RAB33B: variants seen among roughly 807,000 people sequenced by gnomAD.
RAB33B encodes the protein RAB33B, member RAS oncogene family.
A neutral mutation model predicts 15.0 loss-of-function variants in RAB33B; 6 were observed. That is an observed-to-expected ratio of 0.40 (90% CI 0.22 to 0.79). The LOEUF is 0.79. RAB33B is among the 30% of genes least tolerant of loss of function. The pLI is 0.37. For missense variants in RAB33B, 257 were observed against 296.4 expected (o/e 0.87, Z 0.98); for synonymous variants, 117 against 108.3 (o/e 1.08, Z -0.50).
upstream of RAB33B, chr4:139,453,558 C>T: frequency 6.6e-6 from 1 of 152,542 alleles, no homozygotes; most frequent in Non-Finnish European, 1.5e-5. Flanking sequence ...GAGGCGGCGG[C>T]GGTGAGCGCA....
chr4:139,472,022 G>T (rs1372194501), intron 1 of RAB33B, among the ~76,000 whole-genome samples: 1 of 151,998 alleles, frequency 6.6e-6, no homozygotes, highest in African/African-American at 2.4e-5. Context: ...TAGATATATG[G>T]GTTCACTTCT....
At chr4:139,443,925 A>G in the RAB33B span, among the ~76,000 whole-genome samples, 1 of 152,156 alleles carries the variant, frequency 6.6e-6, no homozygotes, top group Non-Finnish European at 1.5e-5. Context: ...TCTCCTCAGG[A>G]GCCACCCCCA....
At chr4:139,461,099 A>G (rs1178477071) in intron 1 of RAB33B, among the ~76,000 whole-genome samples, 11 of 152,198 alleles carry the variant, frequency 7.2e-5, no homozygotes, top group Non-Finnish European at 5.9e-5. Context: ...ATTTTTTCAT[A>G]TAACTAAAAA....
At chr4:139,457,833 G>A (rs1175121778) in intron 1 of RAB33B, among the ~76,000 whole-genome samples, 1 of 152,094 alleles carries the variant, frequency 6.6e-6, no homozygotes, top group African/African-American at 2.4e-5. Context: ...ATTCACCTAG[G>A]TTGTACTACT....
At chr4:139,455,602 T>C (rs1750054182) in intron 1 of RAB33B, among the ~76,000 whole-genome samples, 1 of 152,214 alleles carries the variant, frequency 6.6e-6, no homozygotes, top group African/African-American at 2.4e-5. Context: ...TTTTTCACAT[T>C]AGTATTTCAT....
chr4:139,438,416 C>T, the RAB33B span, among the ~76,000 whole-genome samples: 148 of 152,282 alleles, frequency 9.7e-4, no homozygotes, highest in African/African-American at 2.6e-3. Context: ...AACAACCAGA[C>T]GGCTTAACAC....
At chr4:139,472,088 C>T (rs1750403493) in intron 1 of RAB33B, among the ~76,000 whole-genome samples, 1 of 152,202 alleles carries the variant, frequency 6.6e-6, no homozygotes, top group African/African-American at 2.4e-5. Context: ...CAGTTTCACA[C>T]AGTCTTGATT....
At chr4:139,458,339 A>G (rs1750109545) in intron 1 of RAB33B, among the ~76,000 whole-genome samples, 1 of 152,022 alleles carries the variant, frequency 6.6e-6, no homozygotes, top group Non-Finnish European at 1.5e-5. Flanking sequence ...GGTTTATTGT[A>G]TAGTTAAACA....
chr4:139,475,871 AC>A lies in RAB33B; in HGVS notation c.*2746del, dbSNP rs1321621937. ...TTTGTTGTGGAATAGTGTCACTGTT[AC>A]ATTTCCCCCATGAAGTTCAATAAAC... On this transcript the variant is annotated 3_prime_UTR_variant, in exon 2 of 2. Transcript: ENST00000305626. 6.6e-6 allele frequency: 1 copy of A among 152,198 alleles called. No individual in the cohort carries two copies. The highest frequency in any genetic ancestry group is 1.5e-5 in the Non-Finnish European group (1 of 68,020). 9.4% of individuals were successfully genotyped at this position (152,198 alleles called of 1,614,324 possible). A position where few individuals can be genotyped will look rare whatever the true frequency, so the allele number is the denominator to read the frequency against.
At chr4:139,460,284 G>A (rs929609721) in intron 1 of RAB33B, among the ~76,000 whole-genome samples, 11 of 152,310 alleles carry the variant, frequency 7.2e-5, no homozygotes, top group African/African-American at 2.4e-4. Flanking sequence ...ATACTGATTG[G>A]CAGCTACAAA....
rs1325314368 is a variant in RAB33B at position 139,473,893 on chromosome 4, TCTTTCTTTC to T, written c.*768_*776del. 2 of 148,700 alleles carry T rather than the reference TCTTTCTTTC, an allele frequency of 1.3e-5. No individual in the cohort carries two copies. The highest frequency in any genetic ancestry group is 5.0e-5 in the African/African-American group (2 of 39,894). The allele number at this position is 148,700 out of a possible 1,614,324, so 9.2% of individuals were successfully genotyped here. On this transcript the variant is annotated 3_prime_UTR_variant, in exon 2 of 2. Transcript: ENST00000305626. ...TTATTTTAAAAGAGTTATTTGAGTT[TCTTTCTTTC>T]TTTTTTTTTTTTTTTTTTTTTGAGA...
chr4:139,452,879 C>G (rs909535618), upstream of RAB33B: 1 of 152,256 alleles, frequency 6.6e-6, no homozygotes, highest in Non-Finnish European at 1.5e-5. Flanking sequence ...GTCCTCCTCT[C>G]CGACAGTCCT....
chr4:139,476,513 A>G lies in RAB33B; in HGVS notation c.*3387A>G, dbSNP rs1750505320. ...CACGTTTGCTACAGCCTGTGTGGCA[A>G]GGGCGAATGCACTTGGTTTGTTGGA... On this transcript the variant is annotated 3_prime_UTR_variant, in exon 2 of 2. Coordinates refer to ENST00000305626, the MANE Select transcript of RAB33B (RefSeq NM_031296.3). The G allele has an allele frequency of 6.6e-6, 1 of 152,264 alleles. No homozygotes were observed. The highest frequency in any genetic ancestry group is 2.1e-4 in the South Asian group (1 of 4,838). 9.4% of individuals were successfully genotyped at this position (152,264 alleles called of 1,614,324 possible). A position where few individuals can be genotyped will look rare whatever the true frequency, so the allele number is the denominator to read the frequency against.
upstream of RAB33B, chr4:139,451,363 C>CTTTTTTTTTTTTTTTT (rs901731114): frequency 1.8e-5 from 2 of 108,632 alleles, no homozygotes; most frequent in African/African-American, 3.9e-5. Flanking sequence ...ACCACACCCA[C>CTTTTTTTTTTTTTTTT]TTTTTTTTTT....
At chr4:139,472,561 TG>T in intron 1 of RAB33B, 124 bp from the exon 2 acceptor site, 1 of 705,676 alleles carries the variant, frequency 1.4e-6, no homozygotes, top group Non-Finnish European at 2.3e-6. Context: ...AAAGACATTA[TG>T]GAAGGGAGAA....
the RAB33B span, among the ~76,000 whole-genome samples, chr4:139,441,921 T>C: frequency 6.6e-6 from 1 of 152,000 alleles, no homozygotes; most frequent in Non-Finnish European, 1.5e-5. Context: ...TCATTCTATA[T>C]TGATTAATAT....
chr4:139,448,406 T>C (rs1172603541), upstream of RAB33B: 1 of 152,222 alleles, frequency 6.6e-6, no homozygotes, highest in East Asian at 1.9e-4. Context: ...TGTGCATATA[T>C]ACACTTGTAC....
At chr4:139,466,082 T>C (rs1366068903) in intron 1 of RAB33B, among the ~76,000 whole-genome samples, 2 of 152,110 alleles carry the variant, frequency 1.3e-5, no homozygotes, top group African/African-American at 4.8e-5. Context: ...TGAGCTCAAG[T>C]AATCCTCTCA....
At chr4:139,462,073 T>G (rs1157918187) in intron 1 of RAB33B, among the ~76,000 whole-genome samples, 2 of 148,208 alleles carry the variant, frequency 1.3e-5, no homozygotes, top group African/African-American at 4.9e-5. Flanking sequence ...TTTTTTTTTT[T>G]GACGGAGTCT....
Sources: allele counts gnomAD v4.1 joint callset (sites outside exome capture counted in the v4.1 genomes callset), GRCh38; gene constraint gnomAD v4.1.1; transcripts MANE v1.5; gene names NCBI Gene and HGNC (gene_info 2026-07-23, HGNC 2026-07-21).